Variants in HEATR5B observed in about 807,000 individuals in gnomAD.
The protein encoded by HEATR5B is HEAT repeat-containing protein 5B.
A neutral mutation model predicts 224.1 loss-of-function variants in HEATR5B; 156 were observed. The ratio of observed to expected loss-of-function variants is 0.70; its 90% confidence interval spans 0.61 to 0.80. HEATR5B has a LOEUF of 0.80. Ranked by LOEUF, HEATR5B falls within the 30% of genes least tolerant of loss-of-function variation. HEATR5B has a pLI of 0.00. For missense variants in HEATR5B, 2,323 were observed against 2,535.5 expected, an observed-to-expected ratio of 0.92 and a Z score of 1.80; for synonymous variants, 1,027 against 893.0, an observed-to-expected ratio of 1.15 and a Z score of -2.68.
At chr2:37,019,963 G>C (rs1384131170) in intron 25 of HEATR5B, 86 bp from the exon 26 acceptor site, 3 of 907,730 alleles carry the variant, frequency 3.3e-6, no homozygotes, top group Admixed American at 2.3e-5. Context: ...GAGTGCAGTG[G>C]TGCGATCTCG....
chr2:37,072,149 T>A lies in HEATR5B; in HGVS notation c.730A>T (p.Thr244Ser). ...VRVAVSKLLG[T>S]VMATALMPKQ... The stretch of plus-strand genomic sequence containing the variant: ...GGCATTAATGCTGTGGCCATGACTG[T>A]TCCTAAAAGTTTAGACACTGCCACT... The change falls in exon 6 of 36, where the codon ACA becomes TCA. Residue 244 changes from threonine (T) to serine (S), a missense_variant. By Grantham distance (58) the Thr-to-Ser change is moderately conservative. Coordinates refer to ENST00000233099, the MANE Select transcript of HEATR5B (RefSeq NM_019024.3). 1 of 1,614,090 alleles carries A rather than the reference T, an allele frequency of 6.2e-7. No homozygotes were observed. The highest frequency in any genetic ancestry group is 8.5e-7 in the Non-Finnish European group (1 of 1,179,962).
chr2:37,013,069 C>T (rs1667890126), intron 27 of HEATR5B, among the ~76,000 whole-genome samples: 2 of 152,182 alleles, frequency 1.3e-5, no homozygotes, highest in Admixed American at 1.3e-4. Flanking sequence ...TTGAATGAAT[C>T]AGAGGGTGGG....
chr2:36,992,850 G>A (rs964742041), intron 33 of HEATR5B, among the ~76,000 whole-genome samples: 1 of 151,674 alleles, frequency 6.6e-6, no homozygotes, highest in South Asian at 2.1e-4. Flanking sequence ...TCAGCCGCCC[G>A]AGGAGGTGGG....
rs777289217 is a variant in HEATR5B, at chr2:37,068,677, T to G, written c.1177+4A>C. On this transcript the variant is annotated splice_donor_region_variant and intron_variant, in intron 8 of 35. Transcript: ENST00000233099. ...TCAACACACATAATGATACTGATTCTTACCTACGGCTTTCATTTGTTTTCC... is the reference window on the plus strand; with the variant it reads ...TCAACACACATAATGATACTGATTCGTACCTACGGCTTTCATTTGTTTTCC... 6.2e-7 allele frequency: 1 copy of G among 1,613,910 alleles called. No individual in the cohort carries two copies. The highest frequency in any genetic ancestry group is 8.5e-7 in the Non-Finnish European group (1 of 1,179,970).
chr2:37,044,732 A>G lies in HEATR5B; in HGVS notation c.2697-3440T>C, dbSNP rs565533203. Among the ~76,000 whole-genome samples, 4 of 152,360 alleles carry G rather than the reference A, an allele frequency of 2.6e-5. No individual in the cohort carries two copies. In the South Asian group the frequency reaches 6.2e-4, roughly 24 times the overall value. ...CATTTTGCATTTCTACTGGCAATAT[A>G]TAAGAGTTCTTAACCTACCCTTTGC... On this transcript the variant is annotated intron_variant, in intron 18 of 35. Transcript: ENST00000233099.
chr2:37,083,858 C>T (rs929633518), intron 1 of HEATR5B, among the ~76,000 whole-genome samples: 1 of 152,226 alleles, frequency 6.6e-6, no homozygotes, highest in Non-Finnish European at 1.5e-5. Context: ...CGCGCTGCAC[C>T]TGGCCAGAGG....
chr2:37,077,010 C>A lies in HEATR5B; in HGVS notation c.348G>T (p.Val116=), dbSNP rs1303456320. The change falls in exon 4 of 36, where the codon GTG becomes GTT. Residue 116 remains valine, a synonymous_variant. Transcript: ENST00000233099. ...AAYLPTKLAA[V]ACVGAFYEKM... Reference sequence around the variant, plus strand: ...TTTCATAAAATGCTCCGACACAAGCCACCGCAGCCCTGTAAGAAGTGACAA... The same window carrying A: ...TTTCATAAAATGCTCCGACACAAGCAACCGCAGCCCTGTAAGAAGTGACAA... 2 of 1,613,358 alleles carry A rather than the reference C, an allele frequency of 1.2e-6. No individual in the cohort carries two copies. Among genetic ancestry groups the A allele is most frequent in the African/African-American group, 1.3e-5 (1 of 74,898 alleles).
intron 8 of HEATR5B, among the ~76,000 whole-genome samples, chr2:37,068,185 A>G (rs1671700570): frequency 6.6e-6 from 1 of 152,226 alleles, no homozygotes. Context: ...TGAAAAATTT[A>G]TAAAACTGGT....
intron 24 of HEATR5B, among the ~76,000 whole-genome samples, chr2:37,026,291 G>C (rs1024108573): frequency 6.6e-6 from 1 of 152,178 alleles, no homozygotes; most frequent in Non-Finnish European, 1.5e-5. Context: ...CAGCCCTGCT[G>C]ATGCCTTGAT....
intron 19 of HEATR5B, 151 bp from the exon 20 acceptor site, chr2:37,040,669 C>G (rs1669816079): frequency 1.7e-6 from 1 of 586,650 alleles, no homozygotes; most frequent in Non-Finnish European, 3.0e-6. Flanking sequence ...TTTTCATACA[C>G]ATTCTTCATC....
chr2:37,078,915 G>T (rs1029553686), intron 3 of HEATR5B, among the ~76,000 whole-genome samples: 1 of 152,106 alleles, frequency 6.6e-6, no homozygotes, highest in Middle Eastern at 3.2e-3. Flanking sequence ...ACTGTCATTT[G>T]GATATTCCCA....
At chr2:37,018,922 G>T (rs781597783) in intron 26 of HEATR5B, among the ~76,000 whole-genome samples, 1 of 152,158 alleles carries the variant, frequency 6.6e-6, no homozygotes, top group Non-Finnish European at 1.5e-5. Context: ...AGCACTTTGG[G>T]AGGCCAAGGC....
intron 10 of HEATR5B, among the ~76,000 whole-genome samples, chr2:37,064,191 T>C (rs1311242429): frequency 6.6e-6 from 1 of 152,170 alleles, no homozygotes; most frequent in East Asian, 1.9e-4. Flanking sequence ...TATCCTGACA[T>C]CTTTGAATAT....
rs748706261 is a variant in HEATR5B, at chr2:37,040,311, T to C, written c.3046+18A>G. On this transcript the variant is annotated intron_variant, in intron 20 of 35. Coordinates refer to ENST00000233099, the MANE Select transcript of HEATR5B (RefSeq NM_019024.3). ...TGATTATCTAACTAGGTTCCTTAAT[T>C]TCAGATGATTTACTTACCTTGTAGT... 176 of 1,591,306 alleles carry C rather than the reference T, an allele frequency of 1.1e-4. No homozygotes were observed. Among genetic ancestry groups the C allele is most frequent in the Non-Finnish European group, 1.2e-4 (141 of 1,164,760 alleles).
chr2:37,027,807 A>T, intron 24 of HEATR5B, 116 bp downstream of exon 24: 1 of 1,031,714 alleles, frequency 9.7e-7, no homozygotes, highest in South Asian at 1.6e-5. Flanking sequence ...AACTTACAAT[A>T]AATAAATGGC....
At chr2:37,048,807 G>A (rs988406175) in intron 18 of HEATR5B, among the ~76,000 whole-genome samples, 4 of 152,034 alleles carry the variant, frequency 2.6e-5, no homozygotes, top group African/African-American at 4.8e-5. Context: ...ACCAAATAAC[G>A]AATCAAATTG....
chr2:37,071,747 C>T (rs540388799), intron 6 of HEATR5B, among the ~76,000 whole-genome samples: 58 of 150,806 alleles, frequency 3.8e-4, no homozygotes, highest in African/African-American at 1.3e-3. Flanking sequence ...TACAGTGGTG[C>T]GATCTTGGCT....
At position 37,020,688 on chromosome 2, in the gene HEATR5B, T is replaced by C. The variant is rs1200804301; in HGVS notation, c.4002A>G (p.Pro1334=). Residue 1334 remains proline (P), a synonymous_variant, in exon 25 of 36, where the codon CCA becomes CCG. Coordinates refer to ENST00000233099, the MANE Select transcript of HEATR5B (RefSeq NM_019024.3). ...GATACTGCTCCAGTATCACATGACC[T>C]GGAAATTCTGGCTCAGGCACAGACG... ...KFASVPEPEF[P]GHVILEQYQA... 6.3e-7 allele frequency: 1 copy of C among 1,592,204 alleles called. No homozygotes were observed. Among genetic ancestry groups the C allele is most frequent in the Non-Finnish European group, 8.5e-7 (1 of 1,174,828 alleles).
chr2:37,058,837 T>C (rs753202716), intron 13 of HEATR5B, 51 bp downstream of exon 13: 1 of 1,072,562 alleles, frequency 9.3e-7, no homozygotes, highest in Non-Finnish European at 1.4e-6. Flanking sequence ...CTGAGAAGTA[T>C]ATTATTAATA....
Sources: allele counts gnomAD v4.1 joint callset (sites outside exome capture counted in the v4.1 genomes callset), GRCh38; gene constraint gnomAD v4.1.1; transcripts MANE v1.5; gene names NCBI Gene and HGNC (gene_info 2026-07-23, HGNC 2026-07-21).